Variants in ADAMTS18 observed in about 807,000 individuals in gnomAD.
ADAMTS18 encodes ADAM metallopeptidase with thrombospondin type 1 motif 18.
In ADAMTS18, 157 loss-of-function variants were observed where a neutral mutation model predicts 165.9. The ratio of observed to expected loss-of-function variants is 0.95; its 90% confidence interval spans 0.83 to 1.08. The LOEUF (loss-of-function observed/expected upper bound fraction) is 1.08, where lower values mean the gene tolerates loss of function less well. Ranked by LOEUF, ADAMTS18 falls within the 50% of genes least tolerant of loss-of-function variation. The pLI is 0.00. For missense variants in ADAMTS18, 2,040 were observed against 1,534.0 expected, an observed-to-expected ratio of 1.33 and a Z score of -5.51; for synonymous variants, 782 against 578.2, an observed-to-expected ratio of 1.35 and a Z score of -5.06.
intron 3 of ADAMTS18, among the ~76,000 whole-genome samples, chr16:77,383,258 T>C (rs79038436): frequency 0.088 from 13,412 of 151,838 alleles, 803 homozygotes; most frequent in East Asian, 0.25. Context: ...TCATTCACCA[T>C]CATGCTCTAT....
chr16:77,432,733 T>C (rs2057753341), intron 2 of ADAMTS18, among the ~76,000 whole-genome samples: 1 of 151,748 alleles, frequency 6.6e-6, no homozygotes, highest in Admixed American at 6.6e-5. Context: ...AAATTTCTCT[T>C]TTCCCTAAAC....
chr16:77,365,962 T>A (rs2056787412), intron 4 of ADAMTS18, among the ~76,000 whole-genome samples: 1 of 152,256 alleles, frequency 6.6e-6, no homozygotes, highest in Non-Finnish European at 1.5e-5. Flanking sequence ...ATATCAAACA[T>A]GTCTTACCAC....
chr16:77,404,832 G>A (rs1045589673), intron 3 of ADAMTS18, among the ~76,000 whole-genome samples: 4 of 152,160 alleles, frequency 2.6e-5, no homozygotes, highest in African/African-American at 9.6e-5. Context: ...TAGGAAGATG[G>A]CCAAGTAAAC....
intron 16 of ADAMTS18, among the ~76,000 whole-genome samples, chr16:77,313,370 C>G (rs1432841681): frequency 2.0e-5 from 3 of 151,730 alleles, no homozygotes; most frequent in African/African-American, 7.3e-5. Flanking sequence ...GTACAGCACA[C>G]CAACATGGCA....
At chr16:77,306,309 G>A (rs993446364) in intron 16 of ADAMTS18, among the ~76,000 whole-genome samples, 3 of 152,146 alleles carry the variant, frequency 2.0e-5, no homozygotes, top group Admixed American at 6.6e-5. Flanking sequence ...TAACCGCAGG[G>A]TGCAGAGTTA....
chr16:77,376,046 G>C (rs1306969505), intron 3 of ADAMTS18, among the ~76,000 whole-genome samples: 1 of 151,878 alleles, frequency 6.6e-6, no homozygotes, highest in Non-Finnish European at 1.5e-5. Flanking sequence ...TGGGATTACA[G>C]GCATGGGCCA....
At chr16:77,286,128 C>T (rs59632583) in intron 22 of ADAMTS18, among the ~76,000 whole-genome samples, 3,947 of 152,220 alleles carry the variant, frequency 0.026, 177 homozygotes, top group African/African-American at 0.09. Context: ...AGCATCGTGC[C>T]ATTCCTCAAT....
chr16:77,421,902 AAGAT>A (rs1157650704), intron 3 of ADAMTS18, among the ~76,000 whole-genome samples: 6 of 152,254 alleles, frequency 3.9e-5, no homozygotes, highest in African/African-American at 9.6e-5. Context: ...TTAAAAGAAT[AAGAT>A]AGATCTATAC....
At position 77,335,931 on chromosome 16, in the gene ADAMTS18, C is replaced by G. The variant is rs780026561; in HGVS notation, c.1711-27G>C. The G allele has an allele frequency of 1.9e-6, 3 of 1,613,962 alleles. No homozygotes were observed. In the East Asian group the frequency reaches 6.7e-5, roughly 36 times the overall value. On this transcript the variant is annotated intron_variant, in intron 11 of 22. Transcript: ENST00000282849. Reference sequence around the variant, plus strand: ...TGTGAAAAGAACGTGTAAGATGGTTCCCGTCAGAGACCACCTGGGAAAGCG... The same window carrying G: ...TGTGAAAAGAACGTGTAAGATGGTTGCCGTCAGAGACCACCTGGGAAAGCG...
chr16:77,303,143 T>C (rs1280041297), intron 16 of ADAMTS18, among the ~76,000 whole-genome samples: 1 of 152,140 alleles, frequency 6.6e-6, no homozygotes, highest in Non-Finnish European at 1.5e-5. Context: ...TACACACTGA[T>C]TCCATCTCCC....
intron 18 of ADAMTS18, among the ~76,000 whole-genome samples, chr16:77,296,383 G>A (rs575575488): frequency 1.3e-5 from 2 of 152,088 alleles, no homozygotes; most frequent in African/African-American, 4.8e-5. Flanking sequence ...GTGTAATTTT[G>A]CATTTGGGGT....
intron 16 of ADAMTS18, among the ~76,000 whole-genome samples, chr16:77,308,745 T>C (rs148954868): frequency 4.6e-5 from 7 of 152,312 alleles, no homozygotes; most frequent in African/African-American, 1.7e-4. Flanking sequence ...TTTTCAGGCA[T>C]ACTCAAAAAG....
At chr16:77,294,396 A>G (rs1431256777) in intron 19 of ADAMTS18, among the ~76,000 whole-genome samples, 1 of 152,058 alleles carries the variant, frequency 6.6e-6, no homozygotes, top group African/African-American at 2.4e-5. Context: ...CACGGTTGAG[A>G]ACCTTTGCTT....
At chr16:77,342,091 G>A (rs920969467) in intron 10 of ADAMTS18, among the ~76,000 whole-genome samples, 1 of 152,176 alleles carries the variant, frequency 6.6e-6, no homozygotes, top group Non-Finnish European at 1.5e-5. Flanking sequence ...GGTTTCTCAT[G>A]ATAGTGATGA....
intron 22 of ADAMTS18, among the ~76,000 whole-genome samples, chr16:77,284,831 AG>A (rs1195966564): frequency 6.6e-6 from 1 of 151,994 alleles, no homozygotes; most frequent in South Asian, 2.1e-4. Flanking sequence ...GCATTAAGGG[AG>A]GGTGTGCTGC....
Position 77,355,934 on chromosome 16 carries a change from T to C in ADAMTS18, c.1460+6A>G. 1 of 1,613,978 alleles carries C rather than the reference T, an allele frequency of 6.2e-7. No individual in the cohort carries two copies. Among genetic ancestry groups the C allele is most frequent in the Non-Finnish European group, 8.5e-7 (1 of 1,179,894 alleles). ...TAGGAGCACCCCAGGATTTAACCTGTCATACCTGAGGAATTTCTTGAGATA... is the reference window on the plus strand; with the variant it reads ...TAGGAGCACCCCAGGATTTAACCTGCCATACCTGAGGAATTTCTTGAGATA... On this transcript the variant is annotated splice_donor_region_variant and intron_variant, in intron 9 of 22. Transcript: ENST00000282849.
chr16:77,297,428 C>A lies in ADAMTS18; in HGVS notation c.2675-13G>T. 6.2e-7 allele frequency: 1 copy of A among 1,608,676 alleles called. No homozygotes were observed. Among genetic ancestry groups the A allele is most frequent in the South Asian group, 1.1e-5 (1 of 90,952 alleles). On this transcript the variant is annotated splice_polypyrimidine_tract_variant and intron_variant, in intron 17 of 22. Transcript: ENST00000282849. ...ACATTTATGTAACCTGGTAAGACAT[C>A]AGAAGTGACAAAGTGAAAATTACAG...
intron 22 of ADAMTS18, among the ~76,000 whole-genome samples, chr16:77,285,287 G>T (rs762988480): frequency 6.6e-6 from 1 of 152,020 alleles, no homozygotes; most frequent in Non-Finnish European, 1.5e-5. Flanking sequence ...GTTCTCCTGC[G>T]TAAGCCTCCT....
intron 3 of ADAMTS18, among the ~76,000 whole-genome samples, chr16:77,394,346 G>A (rs750491162): frequency 4.6e-5 from 7 of 152,146 alleles, no homozygotes; most frequent in Non-Finnish European, 8.8e-5. Context: ...ACATTTTTCA[G>A]TTATATATCC....
Sources: gnomAD v4.1 joint callset for allele counts (sites outside exome capture counted in the v4.1 genomes callset) on GRCh38, gnomAD v4.1.1 for gene constraint, MANE v1.5 for transcripts, NCBI Gene and HGNC (gene_info 2026-07-23, HGNC 2026-07-21) for gene names.